Variants in CFAP74 observed in about 807,000 individuals in gnomAD.
The protein encoded by CFAP74 is cilia- and flagella-associated protein 74.
A neutral mutation model predicts 188.9 loss-of-function variants in CFAP74; 124 were observed. The ratio of observed to expected loss-of-function variants is 0.66; its 90% CI spans 0.57 to 0.76. The LOEUF is 0.76. Ranked by LOEUF, CFAP74 falls within the 30% of genes least tolerant of loss-of-function variation. CFAP74 has a pLI of 0.00. For missense variants in CFAP74, 2,198 were observed against 2,165.2 expected (o/e 1.02, Z -0.30); for synonymous variants, 956 against 916.7 (o/e 1.04, Z -0.77).
At chr1:1,982,220 C>T (rs112872205) in intron 6 of CFAP74, among the ~76,000 whole-genome samples, 1 of 148,926 alleles carries the variant, frequency 6.7e-6, no homozygotes, top group African/African-American at 2.5e-5. Flanking sequence ...TGGTCACACG[C>T]GGGGACACGC....
chr1:1,992,072 G>T (rs1657619520), intron 1 of CFAP74, among the ~76,000 whole-genome samples: 2 of 151,116 alleles, frequency 1.3e-5, no homozygotes, highest in African/African-American at 4.9e-5. Flanking sequence ...TCAAAACGCT[G>T]CCAACAGTGA....
At position 1,926,475 on chromosome 1, in the gene CFAP74, G is replaced by A. The variant is rs1288837095; in HGVS notation, c.3810C>T (p.Val1270=). ...AGGACACGGCCAGATCCTCGGGAGA[G>A]ACGTTCTGGATGGAGATCTTCTTGA... ...RSIKKISIQN[V]SPEDLALDFS... is the part of the protein sequence containing the mutation. The change falls in exon 31 of 39, where the codon GTC becomes GTT. Residue 1270 remains valine, a synonymous_variant. Coordinates refer to ENST00000682832, the MANE Select transcript of CFAP74 (RefSeq NM_001304360.2). The A allele has an allele frequency of 3.2e-6, 5 of 1,550,146 alleles. No homozygotes were observed. The highest frequency in any genetic ancestry group is 1.2e-5 in the South Asian group (1 of 84,066).
chr1:1,933,817 C>T (rs1652606985), intron 25 of CFAP74, among the ~76,000 whole-genome samples: 3 of 152,166 alleles, frequency 2.0e-5, no homozygotes, highest in Admixed American at 2.0e-4. Context: ...TTCTTCTACT[C>T]TCTTTGGGTT....
chr1:1,967,338 G>A (rs34506333), intron 11 of CFAP74, among the ~76,000 whole-genome samples: 1 of 150,922 alleles, frequency 6.6e-6, no homozygotes, highest in East Asian at 2.0e-4. Context: ...CCTATGGAGC[G>A]ACAGACAGGA....
Position 1,926,736 on chromosome 1 carries a change from G to T in CFAP74, c.3688C>A (p.Leu1230Met). The T allele has an allele frequency of 6.5e-7, 1 of 1,550,174 alleles. No homozygotes were observed. Residue 1230 changes from leucine to methionine, a missense_variant, in exon 30 of 39, where the codon CTG becomes ATG. By Grantham distance (15) the Leu-to-Met change is conservative (BLOSUM62 2). Coordinates refer to ENST00000682832, the MANE Select transcript of CFAP74 (RefSeq NM_001304360.2). ...FSPHNTLYLE[L>M]WCPTVAPSVV... ...GATGGTGCCACCGTCGGGCACCACA[G>T]CTCCAGGTACAGGGTGTTGTGGGGG... is the stretch of plus-strand genomic sequence containing the variant.
intron 6 of CFAP74, among the ~76,000 whole-genome samples, chr1:1,981,717 C>T (rs1290727212): frequency 1.4e-5 from 2 of 138,928 alleles, no homozygotes; most frequent in African/African-American, 2.8e-5. Context: ...GACACCCAGC[C>T]GCGGACAGAC....
At position 1,972,055 on chromosome 1, in the gene CFAP74, C is replaced by G. The variant is rs780621363; in HGVS notation, c.813G>C (p.Glu271Asp). ...GCCTCATGTACTCGTGGCACTCCAT[C>G]TCCTCCTTCTTCTCTTGCTCTCGGA... ...GRIREQEKKE[E>D]MECHEYMRRR... Residue 271 changes from glutamate to aspartate, a missense_variant, in exon 9 of 39, where the codon GAG (glutamate) becomes GAC (aspartate). Transcript: ENST00000682832. 1 of 1,612,838 alleles carries G rather than the reference C, an allele frequency of 6.2e-7. No individual in the cohort carries two copies. Among genetic ancestry groups the G allele is most frequent in the East Asian group, 2.2e-5 (1 of 44,896 alleles).
Position 1,973,931 on chromosome 1 carries a change from G to T in CFAP74, c.674+94C>A. On this transcript the variant is annotated intron_variant, in intron 7 of 38. Transcript: ENST00000682832. This position sits in a 1 kb window ranked among gnomAD's most constrained non-coding sequence, Gnocchi z 6.2. ...GAGGTGGATCTGGACAGATGTGGAG[G>T]GCGAGGCTGAATCTGGAGACCCCTG... 1 of 1,238,628 alleles carries T rather than the reference G, an allele frequency of 8.1e-7. No individual in the cohort carries two copies. Among genetic ancestry groups the T allele is most frequent in the Non-Finnish European group, 1.1e-6 (1 of 916,056 alleles). 76.7% of individuals were successfully genotyped at this position (1,238,628 alleles called of 1,614,324 possible). A position where few individuals can be genotyped will look rare whatever the true frequency, so the allele number is the denominator to read the frequency against.
rs1656254289 is a variant in CFAP74 at position 1,973,822 on chromosome 1, G to C, written c.674+203C>G. Among the ~76,000 whole-genome samples, 2 of 152,024 alleles carry C rather than the reference G, an allele frequency of 1.3e-5. No homozygotes were observed. Among genetic ancestry groups the C allele is most frequent in the African/African-American group, 4.8e-5 (2 of 41,384 alleles). On this transcript the variant is annotated intron_variant, in intron 7 of 38. Coordinates refer to ENST00000682832, the MANE Select transcript of CFAP74 (RefSeq NM_001304360.2). This position sits in a 1 kb window ranked among gnomAD's most constrained non-coding sequence, Gnocchi z 6.2. ...GCATCTTGGGAGGGCTGGGGCTCTG[G>C]GCAGGTGCAGGGGAGTGCCTGACAC...
chr1:1,932,562 G>T (rs1652498430), intron 25 of CFAP74, among the ~76,000 whole-genome samples: 1 of 151,354 alleles, frequency 6.6e-6, no homozygotes, highest in Admixed American at 6.6e-5. Context: ...AGATATTATT[G>T]ATTATTATTA....
intron 6 of CFAP74, among the ~76,000 whole-genome samples, chr1:1,982,619 C>A (rs1447980686): frequency 6.6e-6 from 1 of 152,260 alleles, no homozygotes; most frequent in Non-Finnish European, 1.5e-5. Flanking sequence ...ATGCTTTGTA[C>A]TGCATGCAAA....
intron 24 of CFAP74, 140 bp downstream of exon 24, chr1:1,939,454 G>A (rs1041833666): frequency 1.4e-5 from 11 of 812,566 alleles, no homozygotes; most frequent in Non-Finnish European, 1.9e-5. Flanking sequence ...GGAGGCCCAG[G>A]TGTGGAGGGG....
chr1:1,969,606 T>G (rs967947077), intron 10 of CFAP74, among the ~76,000 whole-genome samples: 7 of 152,146 alleles, frequency 4.6e-5, no homozygotes, highest in Non-Finnish European at 8.8e-5. Flanking sequence ...GCTAAAGATG[T>G]TCATCCACTC....
At position 1,952,590 on chromosome 1, in the gene CFAP74, A is replaced by AAAAGAAAGAAAGAAAGAAAG. The variant is rs58267869; in HGVS notation, c.2176+3081_2176+3100dup. 8.1e-3 allele frequency among the ~76,000 whole-genome samples: 1,201 copies of AAAAGAAAGAAAGAAAGAAAG among 148,652 alleles called. 16 individuals are homozygous for AAAAGAAAGAAAGAAAGAAAG. Among genetic ancestry groups the AAAAGAAAGAAAGAAAGAAAG allele is most frequent in the African/African-American group, 0.028 (1,125 of 39,576 alleles). ...AGGGAAAGAGAGAAAGAAGCAAAGAAAAAGAAAGAAAGAAAGAAAGAAAGA... is the reference window on the plus strand; with the variant it reads ...AGGGAAAGAGAGAAAGAAGCAAAGAAAAAGAAAGAAAGAAAGAAAGAAAGAAAGAAAGAAAGAAAGAAAGA... On this transcript the variant is annotated intron_variant, in intron 18 of 38. Coordinates refer to ENST00000682832, the MANE Select transcript of CFAP74 (RefSeq NM_001304360.2).
At chr1:1,983,536 CCTT>C (rs1261738478) in intron 6 of CFAP74, 1 of 152,270 alleles carries the variant, frequency 6.6e-6, no homozygotes, top group Non-Finnish European at 1.5e-5. Context: ...AACCGAGGCT[CCTT>C]CTGACTGGGG....
chr1:1,925,668 T>C, intron 33 of CFAP74, 115 bp downstream of exon 33: 1 of 1,158,710 alleles, frequency 8.6e-7, no homozygotes. Context: ...GGGCCACCTG[T>C]GTCCCCACGG....
At position 1,971,398 on chromosome 1, in the gene CFAP74, C is replaced by T. The variant is rs529139774; in HGVS notation, c.888+582G>A. ...TCACACATGCACACACGTGCACACA[C>T]GGTCACACATGCACACATGCACACA... On this transcript the variant is annotated intron_variant, in intron 9 of 38. Transcript: ENST00000682832. Among the ~76,000 whole-genome samples the T allele has an allele frequency of 3.0e-4, 45 of 151,522 alleles. No homozygotes were observed. In the East Asian group the frequency reaches 5.4e-3, roughly 18 times the overall value.
rs1558053894 is a variant in CFAP74, at chr1:1,980,423, CCTCTTACCG to C, written c.500+4954_500+4962del. On this transcript the variant is annotated intron_variant, in intron 6 of 38. Coordinates refer to ENST00000682832, the MANE Select transcript of CFAP74 (RefSeq NM_001304360.2). ...CACCGGCACAGATCGCAGTGGGCGC[CCTCTTACCG>C]TGTGGGGAGGACGGGTGAACGAGAG... Among the ~76,000 whole-genome samples, 8 of 141,998 alleles carry C rather than the reference CCTCTTACCG, an allele frequency of 5.6e-5. 2 individuals carry two copies. The highest frequency in any genetic ancestry group is 2.1e-4 in the African/African-American group (8 of 37,948). 93.2% of individuals were successfully genotyped at this position (141,998 alleles called of 152,430 possible).
chr1:1,933,147 A>G (rs917450393), intron 25 of CFAP74, among the ~76,000 whole-genome samples: 3 of 149,918 alleles, frequency 2.0e-5, no homozygotes, highest in African/African-American at 7.4e-5. Flanking sequence ...CGGCCTCCCA[A>G]AGTGCTGGGA....
Sources: allele counts gnomAD v4.1 joint callset (sites outside exome capture counted in the v4.1 genomes callset), GRCh38; gene constraint gnomAD v4.1.1; non-coding constraint Gnocchi (gnomAD v3.1); transcripts MANE v1.5; gene names NCBI Gene and HGNC (gene_info 2026-07-23, HGNC 2026-07-21).